EMCN: variants seen among roughly 807,000 people sequenced by gnomAD.
The protein encoded by EMCN is MUC-14.
EMCN carries 37 observed loss-of-function variants against 38.4 expected under a neutral mutation model. The ratio of observed to expected loss-of-function variants is 0.96; its 90% CI spans 0.74 to 1.27. The LOEUF is 1.27. Among genes scored for constraint, EMCN ranks in the 50% most tolerant of loss-of-function variants. The pLI, the probability that EMCN is intolerant of heterozygous loss-of-function variation, is 0.00. For missense variants in EMCN, 318 were observed against 302.8 expected (o/e 1.05, Z -0.37); for synonymous variants, 95 against 100.8 (o/e 0.94, Z 0.35).
chr4:100,478,502 T>G (rs573127884), intron 2 of EMCN, among the ~76,000 whole-genome samples: 43 of 152,234 alleles, frequency 2.8e-4, no homozygotes, highest in African/African-American at 1.0e-3. Context: ...TGGCATGAAG[T>G]CTGGGTTCCC....
intron 1 of EMCN, among the ~76,000 whole-genome samples, chr4:100,512,136 T>A (rs1420478412): frequency 1.3e-5 from 2 of 152,190 alleles, no homozygotes; most frequent in East Asian, 3.9e-4. Flanking sequence ...GGAGTAAACG[T>A]GGCCAGAGAA....
At chr4:100,426,503 T>G (rs779335651) in intron 5 of EMCN, among the ~76,000 whole-genome samples, 1 of 152,112 alleles carries the variant, frequency 6.6e-6, no homozygotes, top group African/African-American at 2.4e-5. Context: ...AGACTTTCCT[T>G]GTCCCCTCAC....
At chr4:100,418,291 A>G (rs1232241486) in intron 8 of EMCN, among the ~76,000 whole-genome samples, 5 of 152,158 alleles carry the variant, frequency 3.3e-5, no homozygotes, top group Non-Finnish European at 7.4e-5. Flanking sequence ...TAGTAGATGT[A>G]GATATTTATG....
intron 1 of EMCN, among the ~76,000 whole-genome samples, chr4:100,513,706 T>C (rs1039114453): frequency 2.0e-5 from 3 of 152,220 alleles, no homozygotes; most frequent in African/African-American, 7.2e-5. Context: ...TTCTATATTA[T>C]GTTCTCTGAT....
chr4:100,451,052 A>G (rs764527788), intron 4 of EMCN, among the ~76,000 whole-genome samples: 2 of 151,764 alleles, frequency 1.3e-5, no homozygotes, highest in Non-Finnish European at 3.0e-5. Context: ...ATCTTAGTTT[A>G]TTTTTTTAAA....
intron 5 of EMCN, among the ~76,000 whole-genome samples, chr4:100,430,516 T>G (rs2110226497): frequency 6.6e-6 from 1 of 152,286 alleles, no homozygotes; most frequent in East Asian, 1.9e-4. Context: ...ACAGGGAGAA[T>G]TATTCCTAAT....
chr4:100,463,279 T>C (rs1322283826), intron 4 of EMCN, among the ~76,000 whole-genome samples: 3 of 152,140 alleles, frequency 2.0e-5, no homozygotes, highest in Admixed American at 6.6e-5. Context: ...TTCTGTCAAT[T>C]TGTTTACTCA....
At chr4:100,413,812 T>C (rs986891805) in intron 10 of EMCN, among the ~76,000 whole-genome samples, 1 of 152,184 alleles carries the variant, frequency 6.6e-6, no homozygotes, top group African/African-American at 2.4e-5. Flanking sequence ...TCTTACTATT[T>C]CCATGGTAAT....
rs1467761798 is a variant in EMCN at position 100,465,436 on chromosome 4, AC to A, written c.362del (p.Ser121IlefsTer34). 6.3e-7 allele frequency: 1 copy of A among 1,599,668 alleles called. No individual in the cohort carries two copies. Among genetic ancestry groups the A allele is most frequent in the East Asian group, 2.2e-5 (1 of 44,598 alleles). On this transcript the variant is annotated frameshift_variant, in exon 4 of 12. Coordinates refer to ENST00000296420, the MANE Select transcript of EMCN (RefSeq NM_016242.4). LOFTEE classifies it high-confidence loss of function. Reference sequence around the variant, plus strand: ...CCTCATACTTACTCTTGGGTTTGGAACTTTGTAATGTTGAAACAGCATTTGG... The same window carrying A: ...CCTCATACTTACTCTTGGGTTTGGAATTTGTAATGTTGAAACAGCATTTGG... ...TLPNAVSTLQ[S>X]SKPKTETQSS...
intron 5 of EMCN, among the ~76,000 whole-genome samples, chr4:100,424,981 G>A (rs941832390): frequency 4.6e-5 from 7 of 152,026 alleles, no homozygotes; most frequent in Non-Finnish European, 1.0e-4. Context: ...TGCTTAAAAC[G>A]TGTTGATTGC....
At chr4:100,475,139 T>A in intron 2 of EMCN, 30 bp from the exon 3 acceptor site, 8 of 1,154,110 alleles carry the variant, frequency 6.9e-6, no homozygotes, top group Non-Finnish European at 9.9e-6. Flanking sequence ...TAAATTATTA[T>A]TAATCATAAT....
intron 5 of EMCN, among the ~76,000 whole-genome samples, chr4:100,433,470 A>G (rs769093096): frequency 1.3e-4 from 20 of 152,024 alleles, no homozygotes; most frequent in Admixed American, 7.9e-4. Context: ...AGAAAAAGGG[A>G]TTGATTGATG....
At chr4:100,457,851 G>T (rs1325925630) in intron 4 of EMCN, among the ~76,000 whole-genome samples, 1 of 152,116 alleles carries the variant, frequency 6.6e-6, no homozygotes, top group Non-Finnish European at 1.5e-5. Context: ...GGGTGTGGTG[G>T]CTCACACCTG....
chr4:100,467,511 T>G (rs2110265763), intron 3 of EMCN, among the ~76,000 whole-genome samples: 1 of 151,646 alleles, frequency 6.6e-6, no homozygotes, highest in African/African-American at 2.4e-5. Flanking sequence ...ACCCCGTCTC[T>G]ACTAAAAATA....
chr4:100,422,899 G>T, intron 7 of EMCN, 122 bp downstream of exon 7: 3 of 851,884 alleles, frequency 3.5e-6, no homozygotes, highest in Non-Finnish European at 1.9e-6. Context: ...GGATTGTAAT[G>T]GGATTGCAGG....
chr4:100,511,636 T>C (rs1338556078), intron 1 of EMCN, among the ~76,000 whole-genome samples: 1 of 152,156 alleles, frequency 6.6e-6, no homozygotes, highest in Non-Finnish European at 1.5e-5. Flanking sequence ...AAAAGATTGA[T>C]CAAAGATATT....
chr4:100,512,114 A>G (rs893404887), intron 1 of EMCN, among the ~76,000 whole-genome samples: 2 of 152,346 alleles, frequency 1.3e-5, no homozygotes, highest in East Asian at 1.9e-4. Context: ...GCTGGTTGCC[A>G]TAGCAATGGC....
chr4:100,449,248 G>T (rs1419674746), intron 4 of EMCN, among the ~76,000 whole-genome samples: 1 of 151,998 alleles, frequency 6.6e-6, no homozygotes, highest in Non-Finnish European at 1.5e-5. Flanking sequence ...GTTACTATTT[G>T]TAAGCAACTT....
rs996548798 is a variant in EMCN at position 100,480,535 on chromosome 4, CAA to C, written c.65-498_65-497del. On this transcript the variant is annotated intron_variant, in intron 1 of 11. Coordinates refer to ENST00000296420, the MANE Select transcript of EMCN (RefSeq NM_016242.4). ...TATAAAACATTATAATTAATAAAGA[CAA>C]GAGTATACATATATACATATACATA... is the stretch of plus-strand genomic sequence containing the variant. Among the ~76,000 whole-genome samples the C allele has an allele frequency of 1.6e-3, 248 of 150,684 alleles. 1 individual carries two copies. The highest frequency in any genetic ancestry group is 5.8e-3 in the African/African-American group (239 of 41,140).
Sources: allele counts gnomAD v4.1 joint callset (sites outside exome capture counted in the v4.1 genomes callset), GRCh38; gene constraint gnomAD v4.1.1; transcripts MANE v1.5; gene names NCBI Gene and HGNC (gene_info 2026-07-23, HGNC 2026-07-21).